The following DCAF8L2 variants were observed in gnomAD, a reference collection of about 807,000 sequenced individuals.
DCAF8L2 encodes the protein DDB1 and CUL4 associated factor 8 like 2.
For missense variants in DCAF8L2, 430 were observed against 490.7 expected (o/e 0.88, Z 1.17); for synonymous variants, 200 against 190.9 (o/e 1.05, Z -0.39).
chrX:27,696,334 A>AAAGAAAG (rs1569184625), intron 3 of DCAF8L2, among the ~76,000 whole-genome samples: 2 of 32,617 alleles, frequency 6.1e-5, no homozygotes, highest in East Asian at 7.6e-4. Context: ...AAGAAAGAAA[A>AAAGAAAG]AGAAAGAAAG....
intron 3 of DCAF8L2, among the ~76,000 whole-genome samples, chrX:27,708,012 T>C (rs1931397633): frequency 9.0e-6 from 1 of 111,658 alleles, no homozygotes; most frequent in Non-Finnish European, 1.9e-5. Context: ...TTTAAAATAT[T>C]CTACTTTTAT....
the DCAF8L2 span, among the ~76,000 whole-genome samples, chrX:27,556,844 T>C: frequency 8.9e-6 from 1 of 112,147 alleles, no homozygotes; most frequent in South Asian, 3.7e-4. Context: ...ACCTGCCAAA[T>C]GCATCCTTTA....
intron 2 of DCAF8L2, among the ~76,000 whole-genome samples, chrX:27,649,930 T>C (rs1480200955): frequency 1.8e-5 from 2 of 111,925 alleles, no homozygotes; most frequent in Non-Finnish European, 3.8e-5. Flanking sequence ...TTCTTATAGT[T>C]TGAGGTCTTA....
chrX:27,696,234 A>G (rs1350543043), intron 3 of DCAF8L2, among the ~76,000 whole-genome samples: 1 of 101,456 alleles, frequency 9.9e-6, no homozygotes, highest in Non-Finnish European at 2.0e-5. Context: ...AGAAAGAATG[A>G]AAGAAAGAAA....
intron 2 of DCAF8L2, among the ~76,000 whole-genome samples, chrX:27,649,691 T>G (rs1246900274): frequency 8.9e-6 from 1 of 112,240 alleles, no homozygotes; most frequent in Non-Finnish European, 1.9e-5. Flanking sequence ...TAATGGATTC[T>G]TAATATTAGA....
At chrX:27,726,225 G>A (rs963576481) in intron 4 of DCAF8L2, among the ~76,000 whole-genome samples, 1 of 111,077 alleles carries the variant, frequency 9.0e-6, no homozygotes, top group African/African-American at 3.3e-5. Context: ...TCATAACCTC[G>A]TAATCTGAAT....
At chrX:27,602,294 C>G (rs1926686226) in intron 1 of DCAF8L2, among the ~76,000 whole-genome samples, 1 of 111,710 alleles carries the variant, frequency 9.0e-6, no homozygotes, top group African/African-American at 3.3e-5. Flanking sequence ...CTCAGCCTCT[C>G]AAAGTGCTGG....
chrX:27,638,391 A>G (rs1469894148), intron 2 of DCAF8L2, among the ~76,000 whole-genome samples: 2 of 111,750 alleles, frequency 1.8e-5, no homozygotes, highest in Non-Finnish European at 3.8e-5. Flanking sequence ...ACTAAATGTA[A>G]TTGATTTACT....
intron 1 of DCAF8L2, among the ~76,000 whole-genome samples, chrX:27,625,194 CA>C (rs771646556): frequency 9.0e-6 from 1 of 111,730 alleles, no homozygotes; most frequent in South Asian, 3.8e-4. Flanking sequence ...ATGACATGAA[CA>C]GATAGTTTTC....
At position 27,616,138 on chromosome X, in the gene DCAF8L2, TA is replaced by T. The variant is rs748300932; in HGVS notation, c.-341-15734del. ...CTTGCTTTATATCATATTCTTCAAA[TA>T]AAAAAATAGATATGAAATTTCTAGA... On this transcript the variant is annotated intron_variant, in intron 1 of 4. Coordinates refer to ENST00000451261, the MANE Select transcript of DCAF8L2 (RefSeq NM_001353450.2). 2.4e-3 allele frequency among the ~76,000 whole-genome samples: 266 copies of T among 111,018 alleles called. 2 individuals carry two copies. Among genetic ancestry groups the T allele is most frequent in the Middle Eastern group, 9.8e-3 (2 of 205 alleles).
chrX:27,712,167 G>A (rs1028437814), intron 3 of DCAF8L2, among the ~76,000 whole-genome samples: 1 of 111,249 alleles, frequency 9.0e-6, no homozygotes, highest in Non-Finnish European at 1.9e-5. Context: ...TTATTTTGGA[G>A]TATTTAATCC....
intron 1 of DCAF8L2, among the ~76,000 whole-genome samples, chrX:27,603,440 A>T (rs957455095): frequency 8.1e-5 from 9 of 111,675 alleles, no homozygotes; most frequent in Non-Finnish European, 1.3e-4. Flanking sequence ...ATTCACCTTT[A>T]TTCTCCACTT....
the DCAF8L2 span, among the ~76,000 whole-genome samples, chrX:27,530,972 T>C: frequency 9.0e-6 from 1 of 111,522 alleles, no homozygotes; most frequent in African/African-American, 3.3e-5. Context: ...ATGACCAGTA[T>C]TGGCCATGTA....
chrX:27,501,861 C>T, the DCAF8L2 span, among the ~76,000 whole-genome samples: 1 of 110,729 alleles, frequency 9.0e-6, no homozygotes, highest in Non-Finnish European at 1.9e-5. Flanking sequence ...GATTTCCCTT[C>T]TATATACCCC....
chrX:27,584,393 A>T, the DCAF8L2 span, among the ~76,000 whole-genome samples: 1 of 110,603 alleles, frequency 9.0e-6, no homozygotes, highest in Non-Finnish European at 1.9e-5. Context: ...CCTTTCACAG[A>T]TTCAGGGATA....
intron 2 of DCAF8L2, among the ~76,000 whole-genome samples, chrX:27,666,382 A>G (rs1444144772): frequency 2.7e-5 from 3 of 112,082 alleles, no homozygotes; most frequent in East Asian, 2.8e-4. Flanking sequence ...TGTAGTTGCT[A>G]TAAGAGACAC....
chrX:27,685,848 A>G (rs957649302), intron 3 of DCAF8L2, among the ~76,000 whole-genome samples: 2 of 112,160 alleles, frequency 1.8e-5, no homozygotes, highest in Non-Finnish European at 3.8e-5. Context: ...CAATGGATTA[A>G]TACCAAGAAT....
the DCAF8L2 span, among the ~76,000 whole-genome samples, chrX:27,514,281 A>G: frequency 2.6e-5 from 1 of 38,299 alleles, no homozygotes; most frequent in Non-Finnish European, 1.0e-4. Flanking sequence ...GCACATATGT[A>G]CATATGTGTG....
the DCAF8L2 span, among the ~76,000 whole-genome samples, chrX:27,548,234 G>A: frequency 9.0e-6 from 1 of 110,990 alleles, no homozygotes; most frequent in Non-Finnish European, 1.9e-5. Context: ...GAAGCAATAA[G>A]TTGTGTAGAG....
Sources: gnomAD v4.1 joint callset for allele counts (sites outside exome capture counted in the v4.1 genomes callset) on GRCh38, gnomAD v4.1.1 for gene constraint, MANE v1.5 for transcripts, NCBI Gene and HGNC (gene_info 2026-07-23, HGNC 2026-07-21) for gene names.